MYT1L: variants seen among roughly 807,000 people sequenced by gnomAD.
MYT1L encodes myelin transcription factor 1 like, also known as myelin transcription factor 1-like protein.
In MYT1L, 12 loss-of-function variants were observed where a neutral mutation model predicts 126.7. The ratio of observed to expected loss-of-function variants is 0.09; its 90% confidence interval spans 0.06 to 0.15. The LOEUF (loss-of-function observed/expected upper bound fraction) is 0.15, where lower values mean the gene tolerates loss of function less well. Among genes scored for constraint, MYT1L ranks in the 10% least tolerant of loss-of-function variants. The pLI, the probability that MYT1L is intolerant of heterozygous loss-of-function variation, is 1.00. For synonymous variants in MYT1L, 541 were observed against 604.2 expected (o/e 0.90, Z 1.53); for missense variants, 979 against 1,585.2 (o/e 0.62, Z 6.49).
intron 5 of MYT1L, among the ~76,000 whole-genome samples, chr2:1,989,049 A>G (rs1183037360): frequency 6.6e-6 from 1 of 152,058 alleles, no homozygotes; most frequent in Non-Finnish European, 1.5e-5. Context: ...ATGTCCCTGA[A>G]CTAGTATGCT....
chr2:1,899,399 T>C (rs1265460451), intron 14 of MYT1L, among the ~76,000 whole-genome samples: 3 of 152,228 alleles, frequency 2.0e-5, no homozygotes. Flanking sequence ...TTTAAAAATG[T>C]CAAAGCCATT....
chr2:2,047,312 T>G (rs565597453), intron 4 of MYT1L, among the ~76,000 whole-genome samples: 70 of 152,356 alleles, frequency 4.6e-4, no homozygotes, highest in Admixed American at 9.1e-4. Flanking sequence ...ACGCTGGATT[T>G]ATTTATTTAT....
chr2:2,060,721 CT>C (rs1319335544), intron 3 of MYT1L, among the ~76,000 whole-genome samples: 11 of 121,664 alleles, frequency 9.0e-5, no homozygotes, highest in East Asian at 3.0e-4. Flanking sequence ...TCCCTCCCCC[CT>C]CCCTTCCTTT....
intron 18 of MYT1L, among the ~76,000 whole-genome samples, chr2:1,877,911 G>A (rs543534803): frequency 1.7e-3 from 263 of 152,332 alleles, no homozygotes; most frequent in South Asian, 5.8e-3. Context: ...TGCAGGTAGT[G>A]CTAATTAATG....
intron 2 of MYT1L, among the ~76,000 whole-genome samples, chr2:2,258,063 G>C (rs1260682013): frequency 1.1e-5 from 1 of 91,448 alleles, no homozygotes; most frequent in Non-Finnish European, 2.1e-5. Flanking sequence ...CAATGGAACA[G>C]AACAGAGCCC....
intron 2 of MYT1L, among the ~76,000 whole-genome samples, chr2:2,239,824 G>C (rs887237282): frequency 1.3e-5 from 2 of 152,198 alleles, no homozygotes; most frequent in African/African-American, 4.8e-5. Context: ...GAACTGAGAG[G>C]TGAAGTCTCC....
At chr2:2,038,260 A>G (rs1231983987) in intron 4 of MYT1L, among the ~76,000 whole-genome samples, 1 of 152,210 alleles carries the variant, frequency 6.6e-6, no homozygotes, top group African/African-American at 2.4e-5. Flanking sequence ...TGGATTCCAT[A>G]GCTAGAGTTT....
chr2:2,217,961 A>C (rs1572559397), intron 2 of MYT1L, among the ~76,000 whole-genome samples: 1 of 152,178 alleles, frequency 6.6e-6, no homozygotes, highest in East Asian at 1.9e-4. Flanking sequence ...AAATAAACAC[A>C]TGAAAAGATG....
intron 3 of MYT1L, among the ~76,000 whole-genome samples, chr2:2,159,964 G>C (rs185470010): frequency 3.9e-4 from 59 of 152,232 alleles, no homozygotes; most frequent in African/African-American, 1.3e-3. Context: ...GACACCCTGC[G>C]ATAGCACCCA....
chr2:2,222,235 T>A (rs1381832379), intron 2 of MYT1L, among the ~76,000 whole-genome samples: 1 of 152,114 alleles, frequency 6.6e-6, no homozygotes, highest in Non-Finnish European at 1.5e-5. Flanking sequence ...CTCAGGCCTG[T>A]CTGTAATCCC....
intron 1 of MYT1L, among the ~76,000 whole-genome samples, chr2:2,308,237 C>T (rs549935067): frequency 6.4e-4 from 97 of 151,544 alleles, no homozygotes; most frequent in African/African-American, 2.0e-3. Flanking sequence ...ACCTACGCTT[C>T]GGTATACTCT....
chr2:2,167,012 A>G (rs2089246419), intron 3 of MYT1L, among the ~76,000 whole-genome samples: 1 of 152,212 alleles, frequency 6.6e-6, no homozygotes, highest in African/African-American at 2.4e-5. Context: ...ATAAAGCATA[A>G]CACAGATGTA....
At chr2:2,187,635 C>G (rs2092306345) in intron 2 of MYT1L, among the ~76,000 whole-genome samples, 1 of 151,942 alleles carries the variant, frequency 6.6e-6, no homozygotes, top group Admixed American at 6.6e-5. Flanking sequence ...AGGGAGGGAC[C>G]TGGTACCTAA....
rs2094059490 is a variant in MYT1L at position 2,228,069 on chromosome 2, G to C, written c.-420-55081C>G. ...GCTCATAACGGCTAGTAAATGCCTA[G>C]GGTTGAATATAAGTTTGTTGATGTT... On this transcript the variant is annotated intron_variant, in intron 2 of 24. Coordinates refer to ENST00000647738, the MANE Select transcript of MYT1L (RefSeq NM_001303052.2). The surrounding 1 kb of genome is among the most constrained non-coding windows in gnomAD (Gnocchi z 5.9). 6.6e-6 allele frequency among the ~76,000 whole-genome samples: 1 copy of C among 152,158 alleles called. No homozygotes were observed. Among genetic ancestry groups the C allele is most frequent in the East Asian group, 1.9e-4 (1 of 5,194 alleles).
At chr2:2,297,220 A>G (rs2095708958) in intron 1 of MYT1L, among the ~76,000 whole-genome samples, 1 of 152,232 alleles carries the variant, frequency 6.6e-6, no homozygotes, top group African/African-American at 2.4e-5. Context: ...AAGGCTTCTC[A>G]GTGAAGTCGT....
At chr2:2,110,424 A>G (rs920630755) in intron 3 of MYT1L, among the ~76,000 whole-genome samples, 2 of 151,912 alleles carry the variant, frequency 1.3e-5, no homozygotes, top group South Asian at 4.2e-4. Context: ...CCTCCAACCC[A>G]TGTTAGCTTC....
intron 4 of MYT1L, among the ~76,000 whole-genome samples, chr2:2,002,618 A>C (rs900449332): frequency 6.6e-6 from 1 of 152,200 alleles, no homozygotes; most frequent in East Asian, 1.9e-4. Flanking sequence ...CCTTACTCAC[A>C]GGGTAGGGTC....
chr2:2,107,893 C>T (rs776167643), intron 3 of MYT1L, among the ~76,000 whole-genome samples: 2 of 152,190 alleles, frequency 1.3e-5, no homozygotes, highest in Non-Finnish European at 2.9e-5. Context: ...GCTGCACACA[C>T]GGAGCTGCTT....
At chr2:1,904,057 G>A (rs763603542) in intron 13 of MYT1L, among the ~76,000 whole-genome samples, 5 of 152,172 alleles carry the variant, frequency 3.3e-5, no homozygotes, top group Admixed American at 6.5e-5. Context: ...GTTGTACAGA[G>A]GTTTTCTTTA....
Sources: allele counts gnomAD v4.1 joint callset (sites outside exome capture counted in the v4.1 genomes callset), GRCh38; gene constraint gnomAD v4.1.1; non-coding constraint Gnocchi (gnomAD v3.1); transcripts MANE v1.5; gene names NCBI Gene and HGNC (gene_info 2026-07-23, HGNC 2026-07-21).